Variants in HS2ST1 observed in about 807,000 individuals in gnomAD.
HS2ST1 encodes heparan sulfate 2-O-sulfotransferase 1, also known as 2-O-sulfotransferase.
HS2ST1 carries 18 observed loss-of-function variants against 42.9 expected under a neutral mutation model. The observed-to-expected ratio is 0.42, with a 90% CI of 0.29 to 0.62. The LOEUF is 0.62. HS2ST1 is among the 20% of genes least tolerant of loss of function. The probability of loss-of-function intolerance (pLI) is 0.21; values close to 1 mark genes in which losing one functional copy is unlikely to be tolerated. For synonymous variants in HS2ST1, 146 were observed against 152.9 expected (o/e 0.95, Z 0.33); for missense variants, 334 against 433.8 (o/e 0.77, Z 2.04).
intron 1 of HS2ST1, among the ~76,000 whole-genome samples, chr1:86,998,037 T>C (rs1034015336): frequency 1.3e-5 from 2 of 152,220 alleles, no homozygotes; most frequent in African/African-American, 4.8e-5. Context: ...AATATATGAT[T>C]CTTACTAACT....
intron 1 of HS2ST1, among the ~76,000 whole-genome samples, chr1:86,923,194 A>G (rs1269510740): frequency 6.6e-6 from 1 of 152,164 alleles, no homozygotes; most frequent in East Asian, 1.9e-4. Flanking sequence ...TCTTTAAAAA[A>G]TTATGTATCA....
intron 1 of HS2ST1, among the ~76,000 whole-genome samples, chr1:87,000,119 A>T (rs1227393843): frequency 7.5e-6 from 1 of 133,052 alleles, no homozygotes. Context: ...AAAAAAAAAA[A>T]CTAAATGAAA....
chr1:86,973,128 C>A (rs6692431), intron 1 of HS2ST1, among the ~76,000 whole-genome samples: 137,627 of 152,158 alleles, frequency 0.9, 62,500 homozygotes, highest in East Asian at 0.99. Context: ...GCAGTTAATA[C>A]ATTTCTTGGG....
chr1:87,089,584 G>C (rs1450261080), intron 3 of HS2ST1, among the ~76,000 whole-genome samples: 3 of 151,978 alleles, frequency 2.0e-5, no homozygotes, highest in Non-Finnish European at 2.9e-5. Context: ...AACCTCGTTA[G>C]CTCTTGTTTT....
chr1:86,928,037 CTTAAAAA>C (rs1196389806), intron 1 of HS2ST1, among the ~76,000 whole-genome samples: 1 of 151,990 alleles, frequency 6.6e-6, no homozygotes, highest in African/African-American at 2.4e-5. Context: ...TTAATAGTAA[CTTAAAAA>C]TTGAAATCTT....
intron 1 of HS2ST1, among the ~76,000 whole-genome samples, chr1:87,047,471 A>G (rs928182311): frequency 6.6e-6 from 1 of 152,142 alleles, no homozygotes; most frequent in Non-Finnish European, 1.5e-5. Context: ...TTACTGTGTC[A>G]TATTTAAGAA....
At chr1:87,057,997 TTC>T (rs1319749604) in intron 1 of HS2ST1, among the ~76,000 whole-genome samples, 1 of 151,786 alleles carries the variant, frequency 6.6e-6, no homozygotes, top group African/African-American at 2.4e-5. Flanking sequence ...ACTGGCCTGC[TTC>T]TCTCTCTATT....
At chr1:87,076,563 T>G (rs966104894) in intron 2 of HS2ST1, among the ~76,000 whole-genome samples, 1 of 152,132 alleles carries the variant, frequency 6.6e-6, no homozygotes, top group African/African-American at 2.4e-5. Flanking sequence ...GATAAACATT[T>G]GAGAATATAA....
At chr1:87,035,251 C>T (rs1373602039) in intron 1 of HS2ST1, among the ~76,000 whole-genome samples, 2 of 152,134 alleles carry the variant, frequency 1.3e-5, no homozygotes, top group Non-Finnish European at 2.9e-5. Context: ...GTCATTTTGT[C>T]GTCATTTGTT....
chr1:86,947,578 C>T (rs1238413031), intron 1 of HS2ST1, among the ~76,000 whole-genome samples: 1 of 147,842 alleles, frequency 6.8e-6, no homozygotes, highest in African/African-American at 2.5e-5. Context: ...TCCTTTGTCC[C>T]TTCTCCTTTT....
chr1:86,973,971 C>T (rs1648314018), intron 1 of HS2ST1, among the ~76,000 whole-genome samples: 1 of 152,134 alleles, frequency 6.6e-6, no homozygotes, highest in Non-Finnish European at 1.5e-5. Flanking sequence ...TTTGGTCCTA[C>T]CCCCAGTTCC....
intron 1 of HS2ST1, among the ~76,000 whole-genome samples, chr1:87,009,021 T>C (rs1231465432): frequency 1.3e-5 from 2 of 152,048 alleles, no homozygotes; most frequent in Non-Finnish European, 2.9e-5. Context: ...TTTTTGTAGT[T>C]TCTCTAGAGA....
rs1285981445 is a variant in HS2ST1 at position 87,101,152 on chromosome 1, TTTTG to T, written c.687-2276_687-2273del. On this transcript the variant is annotated intron_variant, in intron 5 of 6. Transcript: ENST00000370550. ...TCACTTTTGTGTGTGTGTGTGTGTT[TTTTG>T]TTTTTTTTTTTTTTTTTTTTTTTTT... 2.1e-3 allele frequency among the ~76,000 whole-genome samples: 178 copies of T among 83,334 alleles called. 36 individuals carry two copies. The highest frequency in any genetic ancestry group is 9.7e-3 in the African/African-American group (175 of 18,060). The allele number at this position is 83,334 out of a possible 152,430, so 54.7% of individuals were successfully genotyped here. A position where few individuals can be genotyped will look rare whatever the true frequency, so the allele number is the denominator to read the frequency against.
At chr1:86,922,276 C>T (rs759407520) in intron 1 of HS2ST1, among the ~76,000 whole-genome samples, 9 of 151,070 alleles carry the variant, frequency 6.0e-5, no homozygotes, top group African/African-American at 1.5e-4. Context: ...TTCTTGCTAT[C>T]GTCATTATAC....
chr1:87,019,749 A>G (rs1163788385), intron 1 of HS2ST1, among the ~76,000 whole-genome samples: 1 of 152,228 alleles, frequency 6.6e-6, no homozygotes, highest in Non-Finnish European at 1.5e-5. Flanking sequence ...ATCCTATTAT[A>G]GCAGATAGAA....
At chr1:87,045,759 T>C in intron 1 of HS2ST1, 2 of 927,878 alleles carry the variant, frequency 2.2e-6, no homozygotes, top group East Asian at 2.5e-5. Flanking sequence ...ACTGAAAATA[T>C]GCATCCTGAG....
chr1:86,918,590 A>G (rs182079642), intron 1 of HS2ST1, among the ~76,000 whole-genome samples: 2 of 152,156 alleles, frequency 1.3e-5, no homozygotes, highest in South Asian at 2.1e-4. Context: ...TGTTGATGTC[A>G]TTTTGTGCTA....
intron 1 of HS2ST1, among the ~76,000 whole-genome samples, chr1:87,050,865 T>C (rs925258310): frequency 2.0e-5 from 3 of 152,128 alleles, no homozygotes; most frequent in Admixed American, 2.0e-4. Flanking sequence ...AAAAAACCTC[T>C]GAGGATTAGT....
intron 1 of HS2ST1, among the ~76,000 whole-genome samples, chr1:86,996,437 T>A (rs1570472248): frequency 1.1e-5 from 1 of 88,342 alleles, no homozygotes; most frequent in African/African-American, 3.6e-5. Context: ...AGTGAAACTC[T>A]GTCTCAAAAA....
Sources: gnomAD v4.1 joint callset for allele counts (sites outside exome capture counted in the v4.1 genomes callset) on GRCh38, gnomAD v4.1.1 for gene constraint, MANE v1.5 for transcripts, NCBI Gene and HGNC (gene_info 2026-07-23, HGNC 2026-07-21) for gene names.